AKAP7: variants seen among roughly 807,000 people sequenced by gnomAD.
The protein encoded by AKAP7 is A-kinase anchoring protein 7.
AKAP7 carries 39 observed loss-of-function variants against 39.5 expected under a neutral mutation model. The ratio of observed to expected loss-of-function variants is 0.99; its 90% CI spans 0.76 to 1.29. The LOEUF (loss-of-function observed/expected upper bound fraction) is 1.29, where lower values mean the gene tolerates loss of function less well. Among genes scored for constraint, AKAP7 ranks in the 50% most tolerant of loss-of-function variants. The pLI is 0.00. For synonymous variants in AKAP7, 140 were observed against 139.1 expected (o/e 1.01, Z -0.05); for missense variants, 414 against 407.7 (o/e 1.02, Z -0.13).
At chr6:131,134,663 G>T (rs28394362), upstream of AKAP7, among the ~76,000 whole-genome samples, 2,717 of 152,302 alleles carry the variant, frequency 0.018, 70 homozygotes, top group African/African-American at 0.06. Context: ...CAACGTGTTA[G>T]AATTATTTGA....
rs746776827 is a variant in AKAP7 at position 131,281,449 on chromosome 6, A to G, written c.851-81A>G. On this transcript the variant is annotated intron_variant, in intron 7 of 7. Coordinates refer to ENST00000431975, the MANE Select transcript of AKAP7 (RefSeq NM_016377.4). This position sits in a 1 kb window ranked among gnomAD's most constrained non-coding sequence, Gnocchi z 4.0. ...AATTTACACTTGCTCTTTTTAACCA[A>G]TGGAACTAGCCGGCCCCTGCATGCC... The G allele has an allele frequency of 3.9e-5, 46 of 1,183,570 alleles. No homozygotes were observed. The highest frequency in any genetic ancestry group is 1.7e-4 in the African/African-American group (11 of 64,336). The allele number at this position is 1,183,570 out of a possible 1,614,324, so 73.3% of individuals were successfully genotyped here.
chr6:131,164,893 A>G (rs999354865), intron 3 of AKAP7, among the ~76,000 whole-genome samples, 188 bp from the exon 4 acceptor site: 5 of 152,322 alleles, frequency 3.3e-5, no homozygotes, highest in African/African-American at 1.2e-4. Context: ...ACATCCTTTT[A>G]AGCTGTCCCA....
intron 7 of AKAP7, among the ~76,000 whole-genome samples, chr6:131,222,450 C>G (rs1809789281): frequency 6.6e-6 from 1 of 151,948 alleles, no homozygotes; most frequent in Non-Finnish European, 1.5e-5. Flanking sequence ...TGGTGTGAAT[C>G]CAGGAGGCGG....
intron 7 of AKAP7, among the ~76,000 whole-genome samples, chr6:131,259,537 T>G (rs950572710): frequency 6.6e-6 from 1 of 152,164 alleles, no homozygotes; most frequent in African/African-American, 2.4e-5. Flanking sequence ...GGACAGTGAG[T>G]GTTAGTTTAA....
chr6:131,160,067 G>T lies in AKAP7; in HGVS notation c.160G>T (p.Glu54Ter). 5 of 1,588,146 alleles carry T rather than the reference G, an allele frequency of 3.1e-6. No homozygotes were observed. Among genetic ancestry groups the T allele is most frequent in the Non-Finnish European group, 4.3e-6 (5 of 1,172,938 alleles). ...DIQDDCGITD[E>*]PQINLKRSQE... is the part of the protein sequence containing the mutation. ...TGACTTTTTTCCTCTAGTCACTGAT[G>T]AACCTCAAATAAATTTGAAGAGAAG... is the stretch of plus-strand genomic sequence containing the variant. The change falls in exon 3 of 8, where the codon GAA becomes TAA. Residue 54 changes from glutamate to a stop codon, truncating the protein, a stop_gained. Coordinates refer to ENST00000431975, the MANE Select transcript of AKAP7 (RefSeq NM_016377.4). LOFTEE classifies it high-confidence loss of function.
At chr6:131,178,495 T>C (rs563998874) in intron 5 of AKAP7, among the ~76,000 whole-genome samples, 3 of 152,328 alleles carry the variant, frequency 2.0e-5, no homozygotes, top group South Asian at 4.1e-4. Flanking sequence ...GACGTTAGCA[T>C]CCTACACCCA....
rs145842016 is a variant in AKAP7 at position 131,175,747 on chromosome 6, C to T, written c.589+6474C>T. ...GACCCACATTTGAGATATGCGCTCT[C>T]TATGCCTGGAGGAATGGAACATCCT... On this transcript the variant is annotated intron_variant, in intron 5 of 7. Transcript: ENST00000431975. Among the ~76,000 whole-genome samples the T allele has an allele frequency of 3.3e-3, 502 of 152,282 alleles. 3 individuals are homozygous for T. Among genetic ancestry groups the T allele is most frequent in the African/African-American group, 0.012 (483 of 41,560 alleles).
chr6:131,241,627 G>GTGTA, intron 7 of AKAP7, among the ~76,000 whole-genome samples: 46 of 86,662 alleles, frequency 5.3e-4, no homozygotes, highest in East Asian at 4.3e-3. Context: ...GTGTGTGTGT[G>GTGTA]TATATATATA....
intron 7 of AKAP7, among the ~76,000 whole-genome samples, chr6:131,269,328 G>A (rs997250919): frequency 1.6e-4 from 25 of 152,308 alleles, no homozygotes; most frequent in African/African-American, 6.0e-4. Context: ...GATTACAGGC[G>A]TGAGCCCCTG....
At chr6:131,240,905 C>T (rs997536608) in intron 7 of AKAP7, among the ~76,000 whole-genome samples, 1 of 151,688 alleles carries the variant, frequency 6.6e-6, no homozygotes, top group Non-Finnish European at 1.5e-5. Context: ...GTGCCCTGCA[C>T]CCACTGTCCT....
At position 131,273,833 on chromosome 6, in the gene AKAP7, T is replaced by G. The variant is rs182990950; in HGVS notation, c.851-7697T>G. Among the ~76,000 whole-genome samples the G allele has an allele frequency of 7.3e-3, 1,109 of 152,262 alleles. 5 individuals are homozygous for G. Among genetic ancestry groups the G allele is most frequent in the South Asian group, 0.015 (71 of 4,832 alleles). On this transcript the variant is annotated intron_variant, in intron 7 of 7. Coordinates refer to ENST00000431975, the MANE Select transcript of AKAP7 (RefSeq NM_016377.4). Reference sequence around the variant, plus strand: ...TCTTTGACATTTCTTCTAGTGCTGGTCAGCTGACGATGAATTCATTTAGCA... The same window carrying G: ...TCTTTGACATTTCTTCTAGTGCTGGGCAGCTGACGATGAATTCATTTAGCA...
intron 5 of AKAP7, among the ~76,000 whole-genome samples, chr6:131,170,012 T>C (rs1803877689): frequency 6.6e-6 from 1 of 151,880 alleles, no homozygotes; most frequent in South Asian, 2.1e-4. Context: ...CTTCCATCCC[T>C]CCTTCTCTTT....
At chr6:131,208,940 G>A (rs1241955865) in intron 6 of AKAP7, among the ~76,000 whole-genome samples, 1 of 152,144 alleles carries the variant, frequency 6.6e-6, no homozygotes, top group Non-Finnish European at 1.5e-5. Context: ...TATTTTATTG[G>A]CCAAAGCAAG....
rs1344747953 is a variant in AKAP7 at position 131,283,389 on chromosome 6, T to C, written c.*1663T>C. Reference sequence around the variant, plus strand: ...ATGATGGAGGGGAAATCACTGGAGATCAAATATGTAAAATCATTTCAAATA... The same window carrying C: ...ATGATGGAGGGGAAATCACTGGAGACCAAATATGTAAAATCATTTCAAATA... On this transcript the variant is annotated 3_prime_UTR_variant, in exon 8 of 8. Coordinates refer to ENST00000431975, the MANE Select transcript of AKAP7 (RefSeq NM_016377.4). 1 of 152,550 alleles carries C rather than the reference T, an allele frequency of 6.6e-6. No homozygotes were observed. Among genetic ancestry groups the C allele is most frequent in the African/African-American group, 2.4e-5 (1 of 41,438 alleles). The allele number at this position is 152,550 out of a possible 1,614,324, so 9.4% of individuals were successfully genotyped here. A position where few individuals can be genotyped will look rare whatever the true frequency, so the allele number is the denominator to read the frequency against.
intron 1 of AKAP7, among the ~76,000 whole-genome samples, chr6:131,140,695 G>A (rs766064061): frequency 2.2e-4 from 34 of 152,228 alleles, no homozygotes; most frequent in Non-Finnish European, 3.8e-4. Context: ...ATTTTGTTCT[G>A]ATTTTCATTC....
In AKAP7 at chr6:131,271,504, T is replaced by G. The variant is rs377445709; in HGVS notation, c.851-10026T>G. ...AAGTATAAGTCTTCTAATCATGTTC[T>G]TCTTGTTAAAAACTGTTTTGGCTTT... On this transcript the variant is annotated intron_variant, in intron 7 of 7. Coordinates refer to ENST00000431975, the MANE Select transcript of AKAP7 (RefSeq NM_016377.4). 3.7e-3 allele frequency among the ~76,000 whole-genome samples: 556 copies of G among 152,288 alleles called. 1 individual carries two copies. The highest frequency in any genetic ancestry group is 4.9e-3 in the Non-Finnish European group (335 of 68,020).
intron 7 of AKAP7, among the ~76,000 whole-genome samples, chr6:131,239,455 C>T (rs1306628746): frequency 6.6e-6 from 1 of 152,094 alleles, no homozygotes; most frequent in Non-Finnish European, 1.5e-5. Flanking sequence ...TATTTGCTTG[C>T]CTTGCTAGAT....
rs528991335 is a variant in AKAP7 at position 131,188,040 on chromosome 6, T to G, written c.590-11421T>G. ...GTTAGAAGGCTCAGTCTGGTTCTCTTTATCAACTGTGGTAGAATGAGTAGA... is the reference window on the plus strand; with the variant it reads ...GTTAGAAGGCTCAGTCTGGTTCTCTGTATCAACTGTGGTAGAATGAGTAGA... On this transcript the variant is annotated intron_variant, in intron 5 of 7. Transcript: ENST00000431975. Among the ~76,000 whole-genome samples, 3 of 152,312 alleles carry G rather than the reference T, an allele frequency of 2.0e-5. No individual in the cohort carries two copies. The South Asian group carries it at 6.2e-4, about 32-fold the overall frequency.
At chr6:131,208,506 AC>A (rs1463206052) in intron 6 of AKAP7, among the ~76,000 whole-genome samples, 1 of 152,246 alleles carries the variant, frequency 6.6e-6, no homozygotes, top group Non-Finnish European at 1.5e-5. Flanking sequence ...TGACTGGTGA[AC>A]CTAATATTAA....
Sources: gnomAD v4.1 joint callset for allele counts (sites outside exome capture counted in the v4.1 genomes callset) on GRCh38, gnomAD v4.1.1 for gene constraint, Gnocchi (gnomAD v3.1) non-coding constraint, MANE v1.5 for transcripts, NCBI Gene and HGNC (gene_info 2026-07-23, HGNC 2026-07-21) for gene names.